Variants in ZFHX3 observed in about 807,000 individuals in gnomAD.
ZFHX3 encodes the protein zinc finger homeobox protein 3.
Under a neutral mutation model 279.1 loss-of-function variants are expected in ZFHX3, and 42 were observed. The ratio of observed to expected loss-of-function variants is 0.15; its 90% confidence interval spans 0.12 to 0.19. The LOEUF (loss-of-function observed/expected upper bound fraction) is 0.19, where lower values mean the gene tolerates loss of function less well. Among genes scored for constraint, ZFHX3 ranks in the 10% least tolerant of loss-of-function variants. The pLI is 1.00. For synonymous variants in ZFHX3, 2,293 were observed against 1,957.8 expected, an observed-to-expected ratio of 1.17 and a Z score of -4.52; for missense variants, 4,981 against 4,754.0, an observed-to-expected ratio of 1.05 and a Z score of -1.40.
intron 1 of ZFHX3, among the ~76,000 whole-genome samples, chr16:72,961,726 G>A (rs36106403): frequency 0.013 from 2,015 of 152,148 alleles, 53 homozygotes; most frequent in African/African-American, 0.046. Flanking sequence ...GAAGTCTCAG[G>A]GAGAAATAAC....
intron 2 of ZFHX3, among the ~76,000 whole-genome samples, chr16:73,465,385 C>T (rs2018548359): frequency 6.6e-6 from 1 of 152,298 alleles, no homozygotes; most frequent in East Asian, 1.9e-4. Context: ...TGTATCACTT[C>T]CTTGGTGGGC....
intron 1 of ZFHX3, among the ~76,000 whole-genome samples, chr16:73,681,189 G>C (rs79039679): frequency 0.014 from 2,099 of 152,284 alleles, 49 homozygotes; most frequent in African/African-American, 0.047. Flanking sequence ...ATTATTTCCA[G>C]ACTATAATGG....
At chr16:73,167,552 A>T (rs1967403658) in intron 5 of ZFHX3, among the ~76,000 whole-genome samples, 1 of 152,242 alleles carries the variant, frequency 6.6e-6, no homozygotes, top group Non-Finnish European at 1.5e-5. Flanking sequence ...AATAGAAAAA[A>T]AATAATAATA....
upstream of ZFHX3, among the ~76,000 whole-genome samples, chr16:73,051,454 T>C (rs888657014): frequency 6.6e-6 from 1 of 152,180 alleles, no homozygotes. Context: ...TTCATAACCA[T>C]TGGAAGCTGG....
intron 2 of ZFHX3, among the ~76,000 whole-genome samples, chr16:73,562,489 C>CGGA (rs1288747800): frequency 1.3e-5 from 2 of 150,564 alleles, no homozygotes; most frequent in Admixed American, 1.3e-4. Context: ...CCAGCTACTC[C>CGGA]GGAGGCTGAG....
At chr16:72,930,069 T>A (rs1038541829) in intron 3 of ZFHX3, among the ~76,000 whole-genome samples, 2 of 152,014 alleles carry the variant, frequency 1.3e-5, no homozygotes, top group Non-Finnish European at 2.9e-5. Context: ...ATTACAAAAA[T>A]TAGCCAGGCG....
At chr16:73,674,211 G>T (rs2052931424) in intron 2 of ZFHX3, among the ~76,000 whole-genome samples, 1 of 152,014 alleles carries the variant, frequency 6.6e-6, no homozygotes, top group African/African-American at 2.4e-5. Flanking sequence ...GTGTAAAATA[G>T]ACGTCACTAT....
chr16:73,017,152 A>G (rs910924817), intron 1 of ZFHX3, among the ~76,000 whole-genome samples: 18 of 151,530 alleles, frequency 1.2e-4, no homozygotes, highest in African/African-American at 4.4e-4. Context: ...CACCTCCCTC[A>G]GCCTTGGGAG....
intron 4 of ZFHX3, among the ~76,000 whole-genome samples, chr16:72,861,300 T>G (rs950558085): frequency 6.6e-6 from 1 of 152,156 alleles, no homozygotes; most frequent in African/African-American, 2.4e-5. Context: ...AAGCATCGGG[T>G]GGAAATTCTC....
intron 1 of ZFHX3, among the ~76,000 whole-genome samples, chr16:73,695,248 T>TTG (rs1015857448): frequency 2.0e-5 from 3 of 151,258 alleles, no homozygotes; most frequent in Non-Finnish European, 4.4e-5. Flanking sequence ...TTTTGTTTTT[T>TTG]TTTTTTGAGA....
chr16:73,877,362 G>A (rs1263144909), intron 1 of ZFHX3, among the ~76,000 whole-genome samples: 1 of 152,092 alleles, frequency 6.6e-6, no homozygotes, highest in African/African-American at 2.4e-5. Flanking sequence ...TTGGCAGGGA[G>A]GATGGCAATT....
At chr16:72,865,049 C>T (rs1449184877) in intron 4 of ZFHX3, among the ~76,000 whole-genome samples, 2 of 152,232 alleles carry the variant, frequency 1.3e-5, no homozygotes, top group Non-Finnish European at 2.9e-5. Flanking sequence ...TTTTGCATTC[C>T]TGCCTACTGT....
chr16:73,026,539 C>A (rs1964507357), intron 1 of ZFHX3, among the ~76,000 whole-genome samples: 1 of 151,978 alleles, frequency 6.6e-6, no homozygotes, highest in East Asian at 1.9e-4. Flanking sequence ...GGCATGGTGG[C>A]AGGCACCTGT....
chr16:73,012,663 A>T (rs996849328), intron 1 of ZFHX3, among the ~76,000 whole-genome samples: 7 of 152,220 alleles, frequency 4.6e-5, no homozygotes, highest in Admixed American at 4.6e-4. Flanking sequence ...GACAAAAGAG[A>T]AGAGGAGAGA....
At chr16:73,359,872 A>G (rs1004203014) in intron 3 of ZFHX3, among the ~76,000 whole-genome samples, 1 of 151,752 alleles carries the variant, frequency 6.6e-6, no homozygotes, top group Non-Finnish European at 1.5e-5. Flanking sequence ...GTGGATGGGT[A>G]TTGATCATGG....
intron 3 of ZFHX3, among the ~76,000 whole-genome samples, chr16:73,418,307 G>T (rs770302613): frequency 6.6e-6 from 1 of 152,126 alleles, no homozygotes; most frequent in Admixed American, 6.5e-5. Flanking sequence ...CAGGACTTCT[G>T]TTGAGTGACT....
In ZFHX3 at chr16:73,174,305, CAACAAA is replaced by C. The variant is rs1452400337; in HGVS notation, c.-1103-30480_-1103-30475del. Among the ~76,000 whole-genome samples, 527 of 127,436 alleles carry C rather than the reference CAACAAA, an allele frequency of 4.1e-3. 8 individuals carry two copies. Among genetic ancestry groups the C allele is most frequent in the African/African-American group, 0.016 (491 of 31,404 alleles). The allele number at this position is 127,436 out of a possible 152,430, so 83.6% of individuals were successfully genotyped here. ...ACAACAACAACAACAACAACAACAA[CAACAAA>C]AGGAGGAATAAGGGCTGCCAAACCG... is the stretch of plus-strand genomic sequence containing the variant. On this transcript the variant is annotated intron_variant, in intron 5 of 17. Transcript: ENST00000641206.
chr16:73,257,114 G>A (rs1213042148), exon 5 of ZFHX3: 2 of 152,158 alleles, frequency 1.3e-5, no homozygotes, highest in Admixed American at 6.5e-5. Flanking sequence ...CAAGCACAAC[G>A]TCTGGGTTCC....
At chr16:73,588,728 A>G (rs569125107) in intron 2 of ZFHX3, among the ~76,000 whole-genome samples, 7 of 151,936 alleles carry the variant, frequency 4.6e-5, no homozygotes, top group East Asian at 1.9e-4. Flanking sequence ...AAAACAAGAA[A>G]ACAAGAGAGA....
Sources: allele counts gnomAD v4.1 joint callset (sites outside exome capture counted in the v4.1 genomes callset), GRCh38; gene constraint gnomAD v4.1.1; transcripts MANE v1.5; gene names NCBI Gene and HGNC (gene_info 2026-07-23, HGNC 2026-07-21).